NEGR1: variants seen among roughly 807,000 people sequenced by gnomAD.
NEGR1 encodes IgLON family member 4.
A neutral mutation model predicts 40.9 loss-of-function variants in NEGR1; 10 were observed. The ratio of observed to expected loss-of-function variants is 0.24; its 90% CI spans 0.15 to 0.42. NEGR1 has a LOEUF of 0.42. NEGR1 is among the 10% of genes least tolerant of loss of function. NEGR1 has a pLI of 1.00. For synonymous variants in NEGR1, 185 were observed against 166.8 expected, an observed-to-expected ratio of 1.11 and a Z score of -0.84; for missense variants, 352 against 438.9, an observed-to-expected ratio of 0.80 and a Z score of 1.77.
At chr1:71,501,694 CAAT>C (rs1401587087) in intron 6 of NEGR1, among the ~76,000 whole-genome samples, 9 of 152,026 alleles carry the variant, frequency 5.9e-5, no homozygotes, top group African/African-American at 2.2e-4. Flanking sequence ...AAATCTACAA[CAAT>C]GTGAGAGTGA....
intron 1 of NEGR1, among the ~76,000 whole-genome samples, chr1:71,955,468 G>A (rs1646112184): frequency 6.6e-6 from 1 of 152,002 alleles, no homozygotes; most frequent in Non-Finnish European, 1.5e-5. Flanking sequence ...CTCCCCGAAG[G>A]CAACCTCGAC....
At chr1:71,794,530 G>A (rs1373131923) in intron 2 of NEGR1, 1 of 151,922 alleles carries the variant, frequency 6.6e-6, no homozygotes, top group Non-Finnish European at 1.5e-5. Flanking sequence ...CTAGGCAATT[G>A]TCTACCCTGT....
chr1:72,111,798 T>C (rs1179882328), intron 1 of NEGR1, among the ~76,000 whole-genome samples: 1 of 151,814 alleles, frequency 6.6e-6, no homozygotes, highest in Admixed American at 6.6e-5. Context: ...CTGGGTGTCA[T>C]GAAAAGAGGA....
At chr1:72,213,038 C>T (rs1270449577) in intron 1 of NEGR1, among the ~76,000 whole-genome samples, 1 of 151,486 alleles carries the variant, frequency 6.6e-6, no homozygotes, top group Non-Finnish European at 1.5e-5. Flanking sequence ...GGGTATTTGA[C>T]ATGAAAGGCA....
chr1:71,418,343 T>TCTG (rs558712642), intron 6 of NEGR1, among the ~76,000 whole-genome samples: 2,018 of 151,832 alleles, frequency 0.013, 41 homozygotes, highest in African/African-American at 0.046. Flanking sequence ...AGATGGAGTC[T>TCTG]TACTCTGTCG....
At chr1:71,721,688 C>T (rs753025816) in intron 3 of NEGR1, among the ~76,000 whole-genome samples, 4 of 152,110 alleles carry the variant, frequency 2.6e-5, no homozygotes, top group Non-Finnish European at 5.9e-5. Context: ...GCAGTCAACA[C>T]TCAACAATTT....
chr1:71,910,484 G>A (rs1365938525), intron 2 of NEGR1, among the ~76,000 whole-genome samples: 1 of 152,138 alleles, frequency 6.6e-6, no homozygotes, highest in Non-Finnish European at 1.5e-5. Context: ...TTCACTAAAG[G>A]TAATAATGCT....
At chr1:71,721,078 C>A (rs1654495048) in intron 3 of NEGR1, among the ~76,000 whole-genome samples, 1 of 152,274 alleles carries the variant, frequency 6.6e-6, no homozygotes, top group East Asian at 1.9e-4. Flanking sequence ...CACATTTCAA[C>A]ACAAGTCATT....
At chr1:71,969,632 A>G (rs1416562104) in intron 1 of NEGR1, among the ~76,000 whole-genome samples, 1 of 152,188 alleles carries the variant, frequency 6.6e-6, no homozygotes, top group East Asian at 1.9e-4. Flanking sequence ...TGGAAAGAAA[A>G]GTCAGTATTC....
chr1:71,978,128 T>TA (rs1407621842), intron 1 of NEGR1, among the ~76,000 whole-genome samples: 1 of 152,124 alleles, frequency 6.6e-6, no homozygotes, highest in Non-Finnish European at 1.5e-5. Context: ...GCATTGAAGA[T>TA]AAAAAAGCCT....
intron 1 of NEGR1, among the ~76,000 whole-genome samples, chr1:72,210,583 G>T (rs1653565862): frequency 6.6e-6 from 1 of 151,838 alleles, no homozygotes; most frequent in African/African-American, 2.4e-5. Flanking sequence ...GACAATTTTT[G>T]TTGCAAAGTT....
chr1:71,681,069 A>C (rs1652821996), intron 4 of NEGR1, among the ~76,000 whole-genome samples: 1 of 152,228 alleles, frequency 6.6e-6, no homozygotes, highest in South Asian at 2.1e-4. Context: ...ACTAATTTAA[A>C]AGCACTTGCA....
chr1:72,248,604 T>TATTATTATG (rs1557597392), intron 1 of NEGR1, among the ~76,000 whole-genome samples: 1 of 146,410 alleles, frequency 6.8e-6, no homozygotes, highest in Non-Finnish European at 1.5e-5. Context: ...TTATTATTAT[T>TATTATTATG]ATTATTATTA....
chr1:72,046,329 G>T (rs987393590), intron 1 of NEGR1, among the ~76,000 whole-genome samples: 8 of 151,522 alleles, frequency 5.3e-5, no homozygotes, highest in African/African-American at 1.9e-4. Flanking sequence ...GCCAAGTAAA[G>T]AAAGAACACA....
intron 6 of NEGR1, among the ~76,000 whole-genome samples, chr1:71,532,684 G>A (rs1475826198): frequency 1.3e-5 from 2 of 151,552 alleles, no homozygotes; most frequent in East Asian, 2.0e-4. Context: ...TCAAATCAGG[G>A]TCAGATCACA....
At chr1:71,823,129 T>A (rs1159293128) in intron 2 of NEGR1, among the ~76,000 whole-genome samples, 1 of 151,922 alleles carries the variant, frequency 6.6e-6, no homozygotes, top group Non-Finnish European at 1.5e-5. Context: ...CAATGCATAC[T>A]TCGGAATCAG....
rs535104188 is a variant in NEGR1, at chr1:71,548,509, C to T, written c.940+44308G>A. Among the ~76,000 whole-genome samples the T allele has an allele frequency of 5.9e-5, 9 of 151,772 alleles. No homozygotes were observed. The East Asian group carries it at 1.8e-3, about 30-fold the overall frequency. On this transcript the variant is annotated intron_variant, in intron 6 of 6. Coordinates refer to ENST00000357731, the MANE Select transcript of NEGR1 (RefSeq NM_173808.3). ...TGAGATCCTTTTAGGCATTGGGCTC[C>T]AATCTGGATTTGACTTCAGCTTCTT...
At chr1:71,752,682 C>T (rs1017176073) in intron 3 of NEGR1, among the ~76,000 whole-genome samples, 10 of 149,432 alleles carry the variant, frequency 6.7e-5, no homozygotes, top group African/African-American at 2.6e-4. Context: ...AATATCTCCC[C>T]GGTCTATAAA....
At chr1:71,452,652 T>A (rs1451606010) in intron 6 of NEGR1, among the ~76,000 whole-genome samples, 1 of 152,166 alleles carries the variant, frequency 6.6e-6, no homozygotes, top group Non-Finnish European at 1.5e-5. Flanking sequence ...TCATTTTTCC[T>A]TACCATAAGG....
Sources: gnomAD v4.1 joint callset for allele counts (sites outside exome capture counted in the v4.1 genomes callset) on GRCh38, gnomAD v4.1.1 for gene constraint, MANE v1.5 for transcripts, NCBI Gene and HGNC (gene_info 2026-07-23, HGNC 2026-07-21) for gene names.